TUBGCP5: variants seen among roughly 807,000 people sequenced by gnomAD.
The protein encoded by TUBGCP5 is gamma-tubulin complex component 5.
Under a neutral mutation model 134.7 loss-of-function variants are expected in TUBGCP5, and 98 were observed. The ratio of observed to expected loss-of-function variants is 0.73; its 90% CI spans 0.62 to 0.86. The LOEUF is 0.86. Ranked by LOEUF, TUBGCP5 falls within the 40% of genes least tolerant of loss-of-function variation. The pLI is 0.00. For synonymous variants in TUBGCP5, 456 were observed against 431.4 expected, an observed-to-expected ratio of 1.06 and a Z score of -0.71; for missense variants, 1,150 against 1,244.8, an observed-to-expected ratio of 0.92 and a Z score of 1.15.
chr15:23,019,818 A>T (rs1449951313), intron 11 of TUBGCP5, among the ~76,000 whole-genome samples: 1 of 152,078 alleles, frequency 6.6e-6, no homozygotes, highest in African/African-American at 2.4e-5. Flanking sequence ...AAAAAAAGAA[A>T]AAAGAAAAAC....
intron 23 of TUBGCP5, among the ~76,000 whole-genome samples, chr15:22,994,153 G>T (rs1279588701): frequency 6.6e-6 from 1 of 151,784 alleles, no homozygotes; most frequent in Non-Finnish European, 1.5e-5. Context: ...CAATGGTGCA[G>T]TCTCGGCTCA....
At position 23,022,035 on chromosome 15, in the gene TUBGCP5, CG is replaced by C; in HGVS notation, c.1294del (p.Arg432GlyfsTer96). 1 of 1,614,080 alleles carries C rather than the reference CG, an allele frequency of 6.2e-7. No individual in the cohort carries two copies. Among genetic ancestry groups the C allele is most frequent in the Non-Finnish European group, 8.5e-7 (1 of 1,180,012 alleles). The stretch of plus-strand genomic sequence containing the variant: ...CAGGGTGTTAAGCAGGTGAGAGGCC[CG>C]GACGACATTTCGAGTATCAGGTGGA... ...EVPPDTRNVV[R>X]ASHLLNTLYK... On this transcript the variant is annotated frameshift_variant, in exon 11 of 23. Transcript: ENST00000615383. LOFTEE classifies it high-confidence loss of function.
At chr15:23,000,707 T>TGC in intron 21 of TUBGCP5, 38 bp from the exon 22 acceptor site, 1 of 1,507,886 alleles carries the variant, frequency 6.6e-7, no homozygotes, top group South Asian at 1.2e-5. Context: ...GTAAGTGCAT[T>TGC]GCGGGTATAT....
intron 19 of TUBGCP5, among the ~76,000 whole-genome samples, chr15:23,004,922 C>T (rs2064613607): frequency 6.6e-6 from 1 of 152,208 alleles, no homozygotes; most frequent in Non-Finnish European, 1.5e-5. Context: ...AATAATACTG[C>T]TCTTGTTCCA....
chr15:23,009,706 G>GT (rs1362891886), intron 15 of TUBGCP5, among the ~76,000 whole-genome samples: 1 of 152,068 alleles, frequency 6.6e-6, no homozygotes, highest in East Asian at 1.9e-4. Flanking sequence ...AACAAACTTT[G>GT]TAATTTTTCT....
At chr15:23,031,128 C>T (rs1404865089) in intron 5 of TUBGCP5, 108 bp from the exon 6 acceptor site, 1 of 1,205,352 alleles carries the variant, frequency 8.3e-7, no homozygotes, top group African/African-American at 1.5e-5. Context: ...TTTGAAGCAA[C>T]ATGGAACAGA....
At position 23,011,566 on chromosome 15, in the gene TUBGCP5, G is replaced by A. The variant is rs58950970; in HGVS notation, c.1757-235C>T. On this transcript the variant is annotated intron_variant, in intron 13 of 22. Coordinates refer to ENST00000615383, the MANE Select transcript of TUBGCP5 (RefSeq NM_052903.6). The stretch of plus-strand genomic sequence containing the variant: ...GTTGCCCAGGCTGGAGCGCAATGGC[G>A]CCATCTTGGCTCACTGCAACCTCCG... 1.5e-3 allele frequency among the ~76,000 whole-genome samples: 228 copies of A among 149,380 alleles called. 2 individuals carry two copies. Among genetic ancestry groups the A allele is most frequent in the African/African-American group, 5.0e-3 (204 of 41,196 alleles).
In TUBGCP5 at chr15:22,987,895, CAAAAAAAAAAAAAAA is replaced by C. The variant is rs869168765; in HGVS notation, c.*62-4299_*62-4285del. Among the ~76,000 whole-genome samples the C allele has an allele frequency of 2.9e-4, 6 of 20,468 alleles. No individual in the cohort carries two copies. The Admixed American group carries it at 4.7e-3, about 16-fold the overall frequency. 13.4% of individuals were successfully genotyped at this position (20,468 alleles called of 152,430 possible). ...TGGGTGACAGAGCGAGACTCCATCT[CAAAAAAAAAAAAAAA>C]AAAAAAAAAAAAAGACACCCCAGAG... On this transcript the variant is annotated intron_variant and NMD_transcript_variant, in intron 23 of 23. Transcript: ENST00000614508.
intron 21 of TUBGCP5, among the ~76,000 whole-genome samples, chr15:23,001,832 A>G (rs138203233): frequency 1.9e-3 from 292 of 152,238 alleles, no homozygotes; most frequent in Non-Finnish European, 3.5e-3. Context: ...TGAATATTTC[A>G]TAAGTATAAA....
chr15:23,030,836 T>G, intron 6 of TUBGCP5, 49 bp downstream of exon 6: 2 of 1,595,156 alleles, frequency 1.3e-6, no homozygotes, highest in South Asian at 2.3e-5. Context: ...CCTTTCCTTC[T>G]AGGGAATTTG....
intron 3 of TUBGCP5, among the ~76,000 whole-genome samples, chr15:23,035,323 C>T (rs865999261): frequency 1.1e-4 from 8 of 71,298 alleles, no homozygotes; most frequent in Middle Eastern, 5.0e-3. Context: ...AAGTGACACT[C>T]AGTCTTAAAA....
intron 6 of TUBGCP5, among the ~76,000 whole-genome samples, chr15:23,029,094 A>C (rs562548242): frequency 6.6e-6 from 1 of 152,358 alleles, no homozygotes; most frequent in South Asian, 2.1e-4. Context: ...AAAAATTTCC[A>C]AACTCTAGTA....
At chr15:23,019,515 A>G in intron 11 of TUBGCP5, 181 bp from the exon 12 acceptor site, 1 of 569,610 alleles carries the variant, frequency 1.8e-6, no homozygotes, top group East Asian at 2.9e-5. Flanking sequence ...ACTCACCTAA[A>G]TGCCGGGCGT....
downstream of TUBGCP5, among the ~76,000 whole-genome samples, chr15:22,994,857 G>A (rs139432363): frequency 0.011 from 1,720 of 152,272 alleles, 30 homozygotes; most frequent in African/African-American, 0.04. Flanking sequence ...GCTCACGCCT[G>A]TAATCCCAGC....
At chr15:23,029,389 T>G (rs2066169813) in intron 6 of TUBGCP5, among the ~76,000 whole-genome samples, 1 of 152,090 alleles carries the variant, frequency 6.6e-6, no homozygotes. Flanking sequence ...GCCCAGCTAA[T>G]TTTGTATTTT....
chr15:23,036,782 T>G, intron 3 of TUBGCP5, 115 bp downstream of exon 3: 1 of 749,910 alleles, frequency 1.3e-6, no homozygotes, highest in Non-Finnish European at 2.2e-6. Context: ...AGAGATCCCG[T>G]TAGCCAGTAG....
chr15:23,000,668 T>C lies in TUBGCP5; in HGVS notation c.2929A>G (p.Met977Val). The C allele has an allele frequency of 6.3e-7, 1 of 1,594,338 alleles. No individual in the cohort carries two copies. The highest frequency in any genetic ancestry group is 8.6e-7 in the Non-Finnish European group (1 of 1,166,954). The change falls in exon 22 of 23, where the codon ATG becomes GTG. Residue 977 changes from methionine to valine, a missense_variant and splice_region_variant. By Grantham distance (21) the Met-to-Val change is conservative. Coordinates refer to ENST00000615383, the MANE Select transcript of TUBGCP5 (RefSeq NM_052903.6). ...GWQAGLGTWR[M>V]ESIEKMESDF... ...GATTCCATTTTCTCTATAGATTCCA[T>C]TCTAGGAATAAAAGTAAATTTCAAT... is the stretch of plus-strand genomic sequence containing the variant.
At position 23,019,257 on chromosome 15, in the gene TUBGCP5, C is replaced by A. The variant is rs1281721223; in HGVS notation, c.1449G>T (p.Gly483=). Residue 483 remains glycine, a synonymous_variant, in exon 12 of 23, where the codon GGG becomes GGT. Coordinates refer to ENST00000615383, the MANE Select transcript of TUBGCP5 (RefSeq NM_052903.6). ...ACTCCCTGGCGCCATCCCACAGGTG[C>A]CCGTGCACGATCCACTCGTCCACCG... The part of the protein sequence containing the change: ...LQTVDEWIVH[G]HLWDGAREFI... The A allele has an allele frequency of 6.2e-7, 1 of 1,613,972 alleles. No individual in the cohort carries two copies. The highest frequency in any genetic ancestry group is 8.5e-7 in the Non-Finnish European group (1 of 1,179,946).
chr15:23,026,837 GGAC>G (rs1471771966), intron 7 of TUBGCP5, among the ~76,000 whole-genome samples: 1 of 152,088 alleles, frequency 6.6e-6, no homozygotes, highest in Non-Finnish European at 1.5e-5. Context: ...GGAGGCTGAA[GGAC>G]GACAATTGCT....
Sources: gnomAD v4.1 joint callset for allele counts (sites outside exome capture counted in the v4.1 genomes callset) on GRCh38, gnomAD v4.1.1 for gene constraint, MANE v1.5 for transcripts, NCBI Gene and HGNC (gene_info 2026-07-23, HGNC 2026-07-21) for gene names.